The following SPOCK3 variants were observed in gnomAD, a reference collection of about 807,000 sequenced individuals.
SPOCK3 encodes SPARC (osteonectin), cwcv and kazal like domains proteoglycan 3.
SPOCK3 carries 30 observed loss-of-function variants against 56.6 expected under a neutral mutation model. That is an observed-to-expected ratio of 0.53 (90% CI 0.40 to 0.72). The LOEUF (loss-of-function observed/expected upper bound fraction) is 0.72, where lower values mean the gene tolerates loss of function less well. Ranked by LOEUF, SPOCK3 falls within the 30% of genes least tolerant of loss-of-function variation. The pLI, the probability that SPOCK3 is intolerant of heterozygous loss-of-function variation, is 0.00. For missense variants in SPOCK3, 527 were observed against 530.0 expected (o/e 0.99, Z 0.06); for synonymous variants, 196 against 183.3 (o/e 1.07, Z -0.56).
Position 167,000,462 on chromosome 4 carries a change from A to T in SPOCK3, c.237T>A (p.Ala79=). 6.6e-7 allele frequency: 1 copy of T among 1,524,772 alleles called. No homozygotes were observed. The highest frequency in any genetic ancestry group is 9.0e-7 in the Non-Finnish European group (1 of 1,116,152). The allele number at this position is 1,524,772 out of a possible 1,614,324, so 94.5% of individuals were successfully genotyped here. Reference sequence around the variant, plus strand: ...AGCATGGATCCTTAGCTGGATCTAAAGCTAAAAAAATTGCAAAGAAAATAT... The same window carrying T: ...AGCATGGATCCTTAGCTGGATCTAATGCTAAAAAAATTGCAAAGAAAATAT... ...TWSPGKPFDQ[A]LDPAKDPCLK... is the part of the protein sequence containing the mutation. The change falls in exon 4 of 11, where the codon GCT becomes GCA. Residue 79 remains alanine (A), a splice_region_variant and synonymous_variant. Transcript: ENST00000357545.
intron 2 of SPOCK3, among the ~76,000 whole-genome samples, chr4:167,220,544 ATT>A (rs528592723): frequency 2.8e-5 from 4 of 140,594 alleles, no homozygotes; most frequent in South Asian, 2.3e-4. Flanking sequence ...CACACAGCTA[ATT>A]TTTTTTTTTT....
intron 3 of SPOCK3, among the ~76,000 whole-genome samples, chr4:167,041,487 C>A (rs557090147): frequency 2.6e-5 from 4 of 152,128 alleles, no homozygotes; most frequent in African/African-American, 7.2e-5. Flanking sequence ...TTTGTGTAAT[C>A]TGTGCAAATC....
At chr4:166,963,781 T>C (rs1744409411) in intron 4 of SPOCK3, among the ~76,000 whole-genome samples, 1 of 151,940 alleles carries the variant, frequency 6.6e-6, no homozygotes, top group African/African-American at 2.4e-5. Context: ...GTTGGCATGA[T>C]TTGCAACTTG....
At chr4:166,919,163 TATA>T (rs1430250543) in intron 4 of SPOCK3, among the ~76,000 whole-genome samples, 3 of 152,150 alleles carry the variant, frequency 2.0e-5, no homozygotes, top group African/African-American at 7.2e-5. Flanking sequence ...AAAGAATGAT[TATA>T]ATAATAAATT....
At chr4:167,135,896 G>T (rs1763081552) in intron 2 of SPOCK3, among the ~76,000 whole-genome samples, 1 of 151,958 alleles carries the variant, frequency 6.6e-6, no homozygotes, top group Non-Finnish European at 1.5e-5. Flanking sequence ...GAGCTAAAAA[G>T]GCAACCATAT....
intron 6 of SPOCK3, 42 bp downstream of exon 6, chr4:166,889,088 G>T: frequency 1.7e-6 from 2 of 1,205,454 alleles, no homozygotes; most frequent in Non-Finnish European, 2.5e-6. Context: ...TTTTAGTAGA[G>T]AGTGATGAAT....
intron 3 of SPOCK3, among the ~76,000 whole-genome samples, chr4:167,041,873 T>A (rs1322692139): frequency 6.6e-6 from 1 of 152,132 alleles, no homozygotes; most frequent in Non-Finnish European, 1.5e-5. Context: ...TTCATAAATA[T>A]ATACAATTTT....
intron 2 of SPOCK3, among the ~76,000 whole-genome samples, chr4:167,073,192 C>A (rs940157131): frequency 6.6e-6 from 1 of 151,370 alleles, no homozygotes; most frequent in Non-Finnish European, 1.5e-5. Flanking sequence ...AATTTTAAAT[C>A]ATCTATAATG....
chr4:167,158,211 TGTTTTTTAAAAA>T (rs1764975873), intron 2 of SPOCK3, among the ~76,000 whole-genome samples: 1 of 152,002 alleles, frequency 6.6e-6, no homozygotes, highest in Non-Finnish European at 1.5e-5. Flanking sequence ...TTAAATGAGA[TGTTTTTTAAAAA>T]ATATAGAAAT....
At chr4:166,751,295 T>G (rs1025386752) in intron 8 of SPOCK3, among the ~76,000 whole-genome samples, 1 of 152,190 alleles carries the variant, frequency 6.6e-6, no homozygotes, top group Non-Finnish European at 1.5e-5. Flanking sequence ...GTTTATTAAA[T>G]GTATACATAA....
intron 2 of SPOCK3, among the ~76,000 whole-genome samples, chr4:167,135,865 C>T (rs1301208322): frequency 6.6e-6 from 1 of 152,096 alleles, no homozygotes; most frequent in African/African-American, 2.4e-5. Flanking sequence ...TGTCATTCCA[C>T]TTCCGATTTG....
intron 6 of SPOCK3, among the ~76,000 whole-genome samples, chr4:166,818,037 AAT>A (rs1251405688): frequency 1.9e-4 from 29 of 152,094 alleles, no homozygotes; most frequent in African/African-American, 6.5e-4. Context: ...AGAGTTAAAT[AAT>A]ATGTCCAAGA....
intron 3 of SPOCK3, among the ~76,000 whole-genome samples, chr4:167,017,836 A>AC (rs1290851865): frequency 2.0e-5 from 3 of 152,128 alleles, no homozygotes; most frequent in Admixed American, 2.0e-4. Context: ...TCTTTAAAAA[A>AC]ATTAAAAACA....
intron 4 of SPOCK3, among the ~76,000 whole-genome samples, chr4:166,977,199 A>G (rs1034035917): frequency 6.6e-6 from 1 of 152,020 alleles, no homozygotes; most frequent in East Asian, 1.9e-4. Flanking sequence ...TCTTTTTTAC[A>G]TTATTAGGTT....
intron 4 of SPOCK3, among the ~76,000 whole-genome samples, chr4:166,913,314 C>T (rs1406271600): frequency 6.6e-6 from 1 of 152,134 alleles, no homozygotes; most frequent in African/African-American, 2.4e-5. Flanking sequence ...AGCTTTGATA[C>T]AGAATAACTG....
intron 2 of SPOCK3, among the ~76,000 whole-genome samples, chr4:167,223,084 G>GAATATAT (rs1307913776): frequency 3.2e-5 from 3 of 94,272 alleles, no homozygotes; most frequent in Non-Finnish European, 5.8e-5. Flanking sequence ...TTTTATATAT[G>GAATATAT]AATATATATT....
chr4:167,161,483 A>G lies in SPOCK3; in HGVS notation c.189+72502T>C, dbSNP rs527834374. 7.3e-4 allele frequency among the ~76,000 whole-genome samples: 111 copies of G among 152,142 alleles called. 1 individual carries two copies. The highest frequency in any genetic ancestry group is 2.0e-3 in the African/African-American group (83 of 41,534). On this transcript the variant is annotated intron_variant, in intron 2 of 10. Coordinates refer to ENST00000357545, the MANE Select transcript of SPOCK3 (RefSeq NM_001040159.2). ...CAACCATTGTGGAAGTCAGTGTGGC[A>G]ATTCCTCAGGGATCTAGAACTAGAA...
intron 7 of SPOCK3, among the ~76,000 whole-genome samples, chr4:166,778,946 A>G (rs1024427842): frequency 1.3e-5 from 2 of 152,112 alleles, no homozygotes; most frequent in African/African-American, 2.4e-5. Context: ...GTGTATAGCC[A>G]CTGAGGAAAG....
At chr4:167,069,991 C>T (rs1490254705) in intron 2 of SPOCK3, among the ~76,000 whole-genome samples, 1 of 151,938 alleles carries the variant, frequency 6.6e-6, no homozygotes, top group Non-Finnish European at 1.5e-5. Flanking sequence ...AACTTACTTT[C>T]CTGACTAACT....
Sources: gnomAD v4.1 joint callset for allele counts (sites outside exome capture counted in the v4.1 genomes callset) on GRCh38, gnomAD v4.1.1 for gene constraint, MANE v1.5 for transcripts, NCBI Gene and HGNC (gene_info 2026-07-23, HGNC 2026-07-21) for gene names.